The following WNT9A variants were observed in gnomAD, a reference collection of about 807,000 sequenced individuals.
WNT9A encodes protein Wnt-9a.
A neutral mutation model predicts 31.4 loss-of-function variants in WNT9A; 8 were observed. The observed-to-expected ratio is 0.26, with a 90% confidence interval of 0.15 to 0.46. The LOEUF is 0.46. Among genes scored for constraint, WNT9A ranks in the 20% least tolerant of loss-of-function variants. WNT9A has a pLI of 0.99. For missense variants in WNT9A, 457 were observed against 522.9 expected (o/e 0.87, Z 1.23); for synonymous variants, 236 against 220.1 (o/e 1.07, Z -0.64).
At position 227,928,180 on chromosome 1, in the gene WNT9A, C is replaced by G. The variant is rs866381314; in HGVS notation, c.96-2661G>C. Among the ~76,000 whole-genome samples the G allele has an allele frequency of 4.6e-5, 7 of 152,144 alleles. No individual in the cohort carries two copies. Among genetic ancestry groups the G allele is most frequent in the Admixed American group, 6.5e-5 (1 of 15,276 alleles). ...CTGAGTCCTCCAGCCTTCCCTAGGG[C>G]ACCCCTGAAGCATGCAGACAGCAGG... On this transcript the variant is annotated intron_variant, in intron 1 of 3. Coordinates refer to ENST00000272164, the MANE Select transcript of WNT9A (RefSeq NM_003395.4). This position sits in a 1 kb window ranked among gnomAD's most constrained non-coding sequence, Gnocchi z 4.5.
intron 1 of WNT9A, among the ~76,000 whole-genome samples, chr1:227,929,138 G>A (rs550963163): frequency 3.3e-5 from 5 of 152,254 alleles, no homozygotes; most frequent in East Asian, 3.9e-4. Flanking sequence ...CCTGTGAGCC[G>A]ACACTCAGCC....
At chr1:227,940,735 G>A (rs909848717) in intron 1 of WNT9A, among the ~76,000 whole-genome samples, 6 of 152,182 alleles carry the variant, frequency 3.9e-5, no homozygotes, top group South Asian at 2.1e-4. Context: ...TTTTTCCATC[G>A]TCCCATCCGG....
Position 227,921,494 on chromosome 1 carries a change from G to A in WNT9A, c.*24C>T. ...GTGTGCAATGCCTGCACCCTGTGCA[G>A]CAGGGCTGGCAGGGCCTGGGAACTC... On this transcript the variant is annotated 3_prime_UTR_variant, in exon 4 of 4. Transcript: ENST00000272164. The A allele has an allele frequency of 6.3e-7, 1 of 1,592,390 alleles. No individual in the cohort carries two copies. The highest frequency in any genetic ancestry group is 2.2e-5 in the East Asian group (1 of 44,588).
At chr1:227,934,431 C>T (rs7529664) in intron 1 of WNT9A, among the ~76,000 whole-genome samples, 10,761 of 152,172 alleles carry the variant, frequency 0.071, 859 homozygotes, top group East Asian at 0.2. Flanking sequence ...CTATTAATTG[C>T]TTTCTCCTGT....
intron 1 of WNT9A, among the ~76,000 whole-genome samples, chr1:227,934,070 C>A (rs749711140): frequency 6.6e-6 from 1 of 152,328 alleles, no homozygotes; most frequent in South Asian, 2.1e-4. Context: ...GGATGGAACA[C>A]GTTGTGCTCA....
intron 1 of WNT9A, among the ~76,000 whole-genome samples, chr1:227,927,280 G>T (rs375242088): frequency 1.3e-5 from 2 of 152,150 alleles, no homozygotes; most frequent in East Asian, 3.9e-4. Context: ...GGCTGCCAGG[G>T]AGTGGGTAGA....
rs1414196886 is a variant in WNT9A, at chr1:227,928,536, T to C, written c.96-3017A>G. On this transcript the variant is annotated intron_variant, in intron 1 of 3. Coordinates refer to ENST00000272164, the MANE Select transcript of WNT9A (RefSeq NM_003395.4). This position sits in a 1 kb window ranked among gnomAD's most constrained non-coding sequence, Gnocchi z 4.5. ...CCCACCCTGGGTAACCCCTGCCCCA[T>C]GCCTCCTTCATTGTCAGGGTGGGCT... 6.6e-6 allele frequency among the ~76,000 whole-genome samples: 1 copy of C among 152,188 alleles called. No homozygotes were observed. The highest frequency in any genetic ancestry group is 1.5e-5 in the Non-Finnish European group (1 of 68,016).
rs1279724575 is a variant in WNT9A, at chr1:227,920,208, T to C, written c.*1310A>G. ...ACCACGTGGCAGTGGCTGGCTGGCA[T>C]GGGGCTGGGGGAGCTGGCTTCCAGA... On this transcript the variant is annotated 3_prime_UTR_variant, in exon 4 of 4. Coordinates refer to ENST00000272164, the MANE Select transcript of WNT9A (RefSeq NM_003395.4). 1 of 152,312 alleles carries C rather than the reference T, an allele frequency of 6.6e-6. No individual in the cohort carries two copies. The highest frequency in any genetic ancestry group is 1.5e-5 in the Non-Finnish European group (1 of 68,116). The allele number at this position is 152,312 out of a possible 1,614,324, so 9.4% of individuals were successfully genotyped here. A position where few individuals can be genotyped will look rare whatever the true frequency, so the allele number is the denominator to read the frequency against.
chr1:227,927,038 A>C (rs1288435337), intron 1 of WNT9A, among the ~76,000 whole-genome samples: 1 of 152,092 alleles, frequency 6.6e-6, no homozygotes, highest in Admixed American at 6.5e-5. Context: ...CCTGGTGGTC[A>C]TGCTGAGATA....
At chr1:227,943,359 G>A (rs987990538) in intron 1 of WNT9A, among the ~76,000 whole-genome samples, 1 of 152,208 alleles carries the variant, frequency 6.6e-6, no homozygotes, top group African/African-American at 2.4e-5. Flanking sequence ...AGTCCAAGGA[G>A]AAATCCAAAT....
In WNT9A at chr1:227,921,725, G is replaced by T; in HGVS notation, c.891C>A (p.Ser297Arg). 1 of 1,612,642 alleles carries T rather than the reference G, an allele frequency of 6.2e-7. No homozygotes were observed. ...PELVHLDDSP[S>R]FCLAGRFSPG... Reference sequence around the variant, plus strand: ...GGGAGAAGCGGCCAGCCAGGCAGAAGCTAGGCGAGTCATCCAGGTGCACCA... The same window carrying T: ...GGGAGAAGCGGCCAGCCAGGCAGAATCTAGGCGAGTCATCCAGGTGCACCA... Residue 297 changes from serine (S) to arginine (R), a missense_variant, in exon 4 of 4, where the codon AGC becomes AGA. By Grantham distance (110) the Ser-to-Arg change is moderately radical. Transcript: ENST00000272164.
At chr1:227,922,636 T>C (rs1666342631) in intron 3 of WNT9A, among the ~76,000 whole-genome samples, 1 of 151,686 alleles carries the variant, frequency 6.6e-6, no homozygotes, top group Non-Finnish European at 1.5e-5. Context: ...TGCAGGAGAG[T>C]GTCCAGGCTG....
In WNT9A at chr1:227,928,375, TGGAG is replaced by T. The variant is rs144258905; in HGVS notation, c.96-2860_96-2857del. On this transcript the variant is annotated intron_variant, in intron 1 of 3. Coordinates refer to ENST00000272164, the MANE Select transcript of WNT9A (RefSeq NM_003395.4). This position sits in a 1 kb window ranked among gnomAD's most constrained non-coding sequence, Gnocchi z 4.5. Reference sequence around the variant, plus strand: ...GGCCGTTGGCACTGTCAGAAGGGTGTGGAGGGAGGGTTGCCCCAGCCTAGCAGTG... The same window carrying T: ...GGCCGTTGGCACTGTCAGAAGGGTGTGGAGGGTTGCCCCAGCCTAGCAGTG... Among the ~76,000 whole-genome samples, 1,915 of 151,728 alleles carry T rather than the reference TGGAG, an allele frequency of 0.013. 14 individuals are homozygous for T. The highest frequency in any genetic ancestry group is 0.021 in the African/African-American group (860 of 41,386).
At chr1:227,938,081 A>C (rs1194239888) in intron 1 of WNT9A, among the ~76,000 whole-genome samples, 1 of 152,080 alleles carries the variant, frequency 6.6e-6, no homozygotes, top group African/African-American at 2.4e-5. Context: ...ATGCACCCTC[A>C]TCCCATGAGA....
chr1:227,935,177 G>T (rs1322568685), intron 1 of WNT9A, among the ~76,000 whole-genome samples: 2 of 150,588 alleles, frequency 1.3e-5, no homozygotes, highest in African/African-American at 4.9e-5. Context: ...CAGAAACTGT[G>T]ACCCCAGCCA....
At position 227,924,391 on chromosome 1, in the gene WNT9A, T is replaced by C; in HGVS notation, c.362A>G (p.Glu121Gly). 6.2e-7 allele frequency: 1 copy of C among 1,610,052 alleles called. No homozygotes were observed. The highest frequency in any genetic ancestry group is 8.5e-7 in the Non-Finnish European group (1 of 1,176,964). ...RASLLKRGFK[E>G]TAFLYAISSA... Reference sequence around the variant, plus strand: ...GGAGATGGCATAGAGGAAGGCAGTCTCCTTGAAGCCTGGGGTTGGCAAGGG... The same window carrying C: ...GGAGATGGCATAGAGGAAGGCAGTCCCCTTGAAGCCTGGGGTTGGCAAGGG... Residue 121 changes from glutamate (E) to glycine (G), a missense_variant, in exon 3 of 4, where the codon GAG becomes GGG. By Grantham distance (98) the Glu-to-Gly change is moderately conservative. Coordinates refer to ENST00000272164, the MANE Select transcript of WNT9A (RefSeq NM_003395.4).
chr1:227,927,068 C>A (rs757700670), intron 1 of WNT9A, among the ~76,000 whole-genome samples: 1 of 152,164 alleles, frequency 6.6e-6, no homozygotes, highest in Non-Finnish European at 1.5e-5. Context: ...GCCAAGCTGA[C>A]GTCCTGCCCC....
chr1:227,928,232 C>T lies in WNT9A; in HGVS notation c.96-2713G>A, dbSNP rs1666452463. 6.6e-6 allele frequency among the ~76,000 whole-genome samples: 1 copy of T among 152,034 alleles called. No individual in the cohort carries two copies. Among genetic ancestry groups the T allele is most frequent in the Non-Finnish European group, 1.5e-5 (1 of 67,978 alleles). On this transcript the variant is annotated intron_variant, in intron 1 of 3. Transcript: ENST00000272164. This position sits in a 1 kb window ranked among gnomAD's most constrained non-coding sequence, Gnocchi z 4.5. ...CAGCAAGTGTGGCTACACCTGGAGA[C>T]TTGCCGGGCAGCTGCCCTCCCCTCT...
chr1:227,925,557 A>G lies in WNT9A; in HGVS notation c.96-38T>C, dbSNP rs1309531791. ...AGGCCAGCATGAGCCCGGCCCCAGG[A>G]AGCCCTGCTGGAGCCTGGCCAGGTG... On this transcript the variant is annotated intron_variant, in intron 1 of 3. Transcript: ENST00000272164. This position sits in a 1 kb window ranked among gnomAD's most constrained non-coding sequence, Gnocchi z 6.0. 3 of 1,470,658 alleles carry G rather than the reference A, an allele frequency of 2.0e-6. No homozygotes were observed. The highest frequency in any genetic ancestry group is 2.5e-5 in the East Asian group (1 of 40,128). 91.1% of individuals were successfully genotyped at this position (1,470,658 alleles called of 1,614,324 possible). A position where few individuals can be genotyped will look rare whatever the true frequency, so the allele number is the denominator to read the frequency against.
Sources: allele counts gnomAD v4.1 joint callset (sites outside exome capture counted in the v4.1 genomes callset), GRCh38; gene constraint gnomAD v4.1.1; non-coding constraint Gnocchi (gnomAD v3.1); transcripts MANE v1.5; gene names NCBI Gene and HGNC (gene_info 2026-07-23, HGNC 2026-07-21).